PDE10A: variants seen among roughly 807,000 people sequenced by gnomAD.
PDE10A encodes the protein phosphodiesterase 10A.
A neutral mutation model predicts 97.7 loss-of-function variants in PDE10A; 39 were observed. The ratio of observed to expected loss-of-function variants is 0.40; its 90% CI spans 0.31 to 0.52. The LOEUF is 0.52. PDE10A is among the 20% of genes least tolerant of loss of function. The pLI, the probability that PDE10A is intolerant of heterozygous loss-of-function variation, is 0.56. For missense variants in PDE10A, 731 were observed against 1,047.8 expected (o/e 0.70, Z 4.17); for synonymous variants, 371 against 376.8 (o/e 0.98, Z 0.18).
At chr6:165,415,400 A>C (rs1788239877) in intron 12 of PDE10A, among the ~76,000 whole-genome samples, 1 of 152,196 alleles carries the variant, frequency 6.6e-6, no homozygotes, top group South Asian at 2.1e-4. Context: ...TTAACTAAAC[A>C]CTGCTGTCAA....
At chr6:165,428,635 T>C (rs776257722) in intron 10 of PDE10A, 23 bp downstream of exon 10, 26 of 1,098,332 alleles carry the variant, frequency 2.4e-5, no homozygotes, top group Non-Finnish European at 3.6e-5. Context: ...AACAGAATCA[T>C]ACTCAGAACA....
rs1562809829 is a variant in PDE10A at position 165,943,240 on chromosome 6, AAGGAAG to A, written c.-615+44283_-615+44288del. Among the ~76,000 whole-genome samples, 88 of 65,766 alleles carry A rather than the reference AAGGAAG, an allele frequency of 1.3e-3. 1 individual carries two copies. Among genetic ancestry groups the A allele is most frequent in the African/African-American group, 6.2e-3 (80 of 12,834 alleles). The allele number at this position is 65,766 out of a possible 152,430, so 43.1% of individuals were successfully genotyped here. A position where few individuals can be genotyped will look rare whatever the true frequency, so the allele number is the denominator to read the frequency against. The stretch of plus-strand genomic sequence containing the variant: ...GAAAGAAAGAAAGAAAGAAAGAAGG[AAGGAAG>A]GAAGGAAGGAAGGAAGGAAGGAAGG... On this transcript the variant is annotated intron_variant, in intron 1 of 19. Transcript: ENST00000366882.
intron 1 of PDE10A, among the ~76,000 whole-genome samples, chr6:165,871,852 C>T (rs1474457698): frequency 6.6e-6 from 1 of 152,088 alleles, no homozygotes; most frequent in Non-Finnish European, 1.5e-5. Context: ...CCTGTGAAGG[C>T]TGGAGAAACA....
At chr6:165,721,916 T>C (rs1473401774) in intron 1 of PDE10A, among the ~76,000 whole-genome samples, 1 of 152,202 alleles carries the variant, frequency 6.6e-6, no homozygotes, top group African/African-American at 2.4e-5. Context: ...GAACTACTTA[T>C]TACAGTCCCG....
In PDE10A at chr6:165,673,479, C is replaced by T. The variant is rs561473922; in HGVS notation, c.-614-129911G>A. On this transcript the variant is annotated intron_variant, in intron 1 of 19. Transcript: ENST00000366882. ...GGAAAGGCGAGGGTTAAAACCTCGC[C>T]GGAGCTGCTGACCCCTGTACCTAGG... 7.9e-5 allele frequency among the ~76,000 whole-genome samples: 12 copies of T among 152,308 alleles called. No homozygotes were observed. The East Asian group carries it at 1.2e-3, about 15-fold the overall frequency.
At chr6:165,957,982 T>C (rs1009419612) in intron 1 of PDE10A, among the ~76,000 whole-genome samples, 1 of 152,140 alleles carries the variant, frequency 6.6e-6, no homozygotes, top group Non-Finnish European at 1.5e-5. Flanking sequence ...CAGTGGGCAG[T>C]GGGTTTGATC....
chr6:165,451,411 T>C (rs1562479811), intron 3 of PDE10A, among the ~76,000 whole-genome samples: 2 of 152,186 alleles, frequency 1.3e-5, no homozygotes, highest in South Asian at 4.1e-4. Context: ...AAACTCGAAA[T>C]ATAAAATTCT....
chr6:165,541,047 G>A (rs941785960), intron 2 of PDE10A, among the ~76,000 whole-genome samples: 29 of 152,300 alleles, frequency 1.9e-4, no homozygotes, highest in South Asian at 6.2e-4. Flanking sequence ...CACTGAACAT[G>A]AAGCGATATA....
At chr6:165,496,908 A>T (rs1199254951) in intron 2 of PDE10A, among the ~76,000 whole-genome samples, 1 of 152,206 alleles carries the variant, frequency 6.6e-6, no homozygotes, top group Admixed American at 6.5e-5. Flanking sequence ...TTTAAGCATC[A>T]AAAGCTAAGC....
intron 1 of PDE10A, among the ~76,000 whole-genome samples, chr6:165,593,062 A>G (rs998778012): frequency 2.0e-5 from 3 of 152,378 alleles, no homozygotes; most frequent in African/African-American, 4.8e-5. Context: ...ATGTCCATCA[A>G]TGATAGACTG....
intron 1 of PDE10A, among the ~76,000 whole-genome samples, chr6:165,718,949 A>G (rs1792095550): frequency 6.6e-6 from 1 of 152,198 alleles, no homozygotes; most frequent in Non-Finnish European, 1.5e-5. Flanking sequence ...GAGGAAAAAG[A>G]AAAGATATTG....
intron 2 of PDE10A, among the ~76,000 whole-genome samples, chr6:165,536,578 TA>T (rs1305207344): frequency 6.7e-6 from 1 of 149,178 alleles, no homozygotes; most frequent in Non-Finnish European, 1.5e-5. Context: ...TGAACAGGAA[TA>T]AGGAACTCAA....
At chr6:165,356,901 T>G (rs1783062891) in intron 18 of PDE10A, among the ~76,000 whole-genome samples, 1 of 152,150 alleles carries the variant, frequency 6.6e-6, no homozygotes, top group Non-Finnish European at 1.5e-5. Context: ...TCTTTATGCC[T>G]TTCATTTCTA....
chr6:165,845,394 G>A (rs1418590614), intron 1 of PDE10A, among the ~76,000 whole-genome samples: 1 of 152,224 alleles, frequency 6.6e-6, no homozygotes, highest in Non-Finnish European at 1.5e-5. Context: ...ACACCAAAAT[G>A]TCGAAGGTCA....
intron 18 of PDE10A, among the ~76,000 whole-genome samples, chr6:165,373,692 A>G (rs1784417459): frequency 6.6e-6 from 1 of 152,124 alleles, no homozygotes; most frequent in African/African-American, 2.4e-5. Flanking sequence ...AGGGATCTAG[A>G]ACTAGAAATA....
intron 3 of PDE10A, among the ~76,000 whole-genome samples, chr6:165,463,675 GC>G (rs141516506): frequency 0.028 from 4,243 of 151,822 alleles, 196 homozygotes; most frequent in African/African-American, 0.094. Flanking sequence ...TTGGGAATAA[GC>G]CCCCCCCAAA....
intron 1 of PDE10A, among the ~76,000 whole-genome samples, chr6:165,945,491 G>C (rs903314811): frequency 6.6e-6 from 1 of 152,180 alleles, no homozygotes; most frequent in African/African-American, 2.4e-5. Flanking sequence ...AAACTCCAAG[G>C]TGATAGTATT....
chr6:165,521,908 A>G (rs1357156357), intron 2 of PDE10A, among the ~76,000 whole-genome samples: 1 of 152,204 alleles, frequency 6.6e-6, no homozygotes, highest in Non-Finnish European at 1.5e-5. Context: ...CTACTCATAT[A>G]AGTGGGATCA....
chr6:165,628,894 G>A (rs1381081049), intron 1 of PDE10A, among the ~76,000 whole-genome samples: 1 of 152,040 alleles, frequency 6.6e-6, no homozygotes, highest in Non-Finnish European at 1.5e-5. Context: ...AAATGCTGAG[G>A]TTTTTTAAAA....
Sources: gnomAD v4.1 joint callset for allele counts (sites outside exome capture counted in the v4.1 genomes callset) on GRCh38, gnomAD v4.1.1 for gene constraint, MANE v1.5 for transcripts, NCBI Gene and HGNC (gene_info 2026-07-23, HGNC 2026-07-21) for gene names.